The following PDE9A variants were observed in gnomAD, a reference collection of about 807,000 sequenced individuals.
PDE9A encodes phosphodiesterase 9A.
In PDE9A, 60 loss-of-function variants were observed where a neutral mutation model predicts 87.4. That is an observed-to-expected ratio of 0.69 (90% CI 0.56 to 0.85). The LOEUF (loss-of-function observed/expected upper bound fraction) is 0.85. Ranked by LOEUF, PDE9A falls within the 40% of genes least tolerant of loss-of-function variation. PDE9A has a pLI of 0.00. For synonymous variants in PDE9A, 272 were observed against 279.4 expected, an observed-to-expected ratio of 0.97 and a Z score of 0.27; for missense variants, 665 against 779.0, an observed-to-expected ratio of 0.85 and a Z score of 1.74.
At chr21:42,769,691 CAT>C (rs879065049) in intron 17 of PDE9A, among the ~76,000 whole-genome samples, 3 of 137,048 alleles carry the variant, frequency 2.2e-5, no homozygotes, top group African/African-American at 5.9e-5. Context: ...CAGGCACACA[CAT>C]ACACACATGC....
In PDE9A at chr21:42,684,666, T is replaced by C. The variant is rs535972417; in HGVS notation, c.70-1526T>C. ...AAAGGAGGATGTGGGGGAAATGGGG[T>C]GAGGCCAAAGTGGGGGCTGCTGAAG... On this transcript the variant is annotated intron_variant, in intron 1 of 19. Coordinates refer to ENST00000291539, the MANE Select transcript of PDE9A (RefSeq NM_002606.3). Among the ~76,000 whole-genome samples the C allele has an allele frequency of 3.9e-5, 6 of 152,020 alleles. No individual in the cohort carries two copies. The South Asian group carries it at 1.2e-3, about 32-fold the overall frequency.
At position 42,739,175 on chromosome 21, in the gene PDE9A, C is replaced by T. The variant is rs2052817180; in HGVS notation, c.569-4601C>T. ...TTGGTTTGTGGTGCGTGGTCTGTGC[C>T]CGCCTGTGTTCAGCGTTTGAAGGCA... is the stretch of plus-strand genomic sequence containing the variant. On this transcript the variant is annotated intron_variant, in intron 7 of 19. Transcript: ENST00000291539. This position sits in a 1 kb window ranked among gnomAD's most constrained non-coding sequence, Gnocchi z 4.1. Among the ~76,000 whole-genome samples the T allele has an allele frequency of 6.6e-6, 1 of 152,210 alleles. No individual in the cohort carries two copies. Among genetic ancestry groups the T allele is most frequent in the South Asian group, 2.1e-4 (1 of 4,832 alleles).
rs371843471 is a variant in PDE9A, at chr21:42,696,638, C to T, written c.219-2330C>T. On this transcript the variant is annotated intron_variant, in intron 3 of 19. Coordinates refer to ENST00000291539, the MANE Select transcript of PDE9A (RefSeq NM_002606.3). The surrounding 1 kb of genome is among the most constrained non-coding windows in gnomAD (Gnocchi z 5.1). ...AAGAGGAGCCCAGCACACCCGGCTT[C>T]TCTGCTGCCCACCCTCCACTCTGTC... is the stretch of plus-strand genomic sequence containing the variant. Among the ~76,000 whole-genome samples, 1 of 152,200 alleles carries T rather than the reference C, an allele frequency of 6.6e-6. No individual in the cohort carries two copies. The highest frequency in any genetic ancestry group is 1.5e-5 in the Non-Finnish European group (1 of 68,028).
Position 42,775,385 on chromosome 21 carries a change from C to T in PDE9A, c.*92C>T. On this transcript the variant is annotated 3_prime_UTR_variant, in exon 20 of 20. Transcript: ENST00000291539. ...GAAGAGCTGCCCTGGGCACCTGGCA[C>T]CACAAGACCATGTTTTCTAAGAACC... is the stretch of plus-strand genomic sequence containing the variant. The T allele has an allele frequency of 9.8e-7, 1 of 1,017,924 alleles. No individual in the cohort carries two copies. Among genetic ancestry groups the T allele is most frequent in the Non-Finnish European group, 1.4e-6 (1 of 697,632 alleles). 63.1% of individuals were successfully genotyped at this position (1,017,924 alleles called of 1,614,324 possible). A position where few individuals can be genotyped will look rare whatever the true frequency, so the allele number is the denominator to read the frequency against.
chr21:42,734,928 C>T (rs1160516582), intron 7 of PDE9A, among the ~76,000 whole-genome samples: 1 of 152,226 alleles, frequency 6.6e-6, no homozygotes, highest in East Asian at 1.9e-4. Context: ...TGGAACGAGT[C>T]ACTTCCCTGC....
chr21:42,724,739 G>A (rs959845751), intron 4 of PDE9A: 1 of 294,674 alleles, frequency 3.4e-6, no homozygotes, highest in Non-Finnish European at 5.0e-6. Flanking sequence ...CCTGGGTGGC[G>A]CATTGGCCGA....
chr21:42,733,680 C>T (rs926725342), intron 7 of PDE9A: 4 of 514,994 alleles, frequency 7.8e-6, no homozygotes, highest in Non-Finnish European at 1.4e-5. Context: ...TAAAAATGAA[C>T]ACACGAAGCC....
At chr21:42,773,617 C>T (rs888698070) in intron 19 of PDE9A, among the ~76,000 whole-genome samples, 4 of 151,874 alleles carry the variant, frequency 2.6e-5, no homozygotes, top group Non-Finnish European at 2.9e-5. Flanking sequence ...CTGGCTAACA[C>T]GGTGAAACCC....
intron 4 of PDE9A, among the ~76,000 whole-genome samples, chr21:42,703,454 G>A (rs1176646273): frequency 6.6e-6 from 1 of 152,256 alleles, no homozygotes; most frequent in African/African-American, 2.4e-5. Context: ...CTGGAGGCAG[G>A]AAGAGGCAAA....
intron 4 of PDE9A, among the ~76,000 whole-genome samples, chr21:42,706,696 G>A (rs1011667942): frequency 5.9e-5 from 9 of 151,434 alleles, no homozygotes; most frequent in African/African-American, 2.2e-4. Context: ...TCATTTTGTT[G>A]TGCAACCATC....
intron 3 of PDE9A, among the ~76,000 whole-genome samples, chr21:42,693,525 C>T (rs568980086): frequency 2.6e-5 from 4 of 151,412 alleles, no homozygotes; most frequent in Non-Finnish European, 5.9e-5. Context: ...CTCCTGACCT[C>T]GTGATCCACC....
intron 8 of PDE9A, 112 bp from the exon 9 acceptor site, chr21:42,751,004 A>G (rs868082787): frequency 5.2e-6 from 4 of 764,068 alleles, no homozygotes; most frequent in Middle Eastern, 4.7e-4. Context: ...CCCACAGCAA[A>G]TAAGACCACA....
chr21:42,679,670 C>T (rs1602003934), intron 1 of PDE9A, among the ~76,000 whole-genome samples: 2 of 151,836 alleles, frequency 1.3e-5, no homozygotes, highest in African/African-American at 2.4e-5. Context: ...AGCCTTTCCA[C>T]GGAGGGCCCA....
At chr21:42,742,301 C>T (rs565139271) in intron 7 of PDE9A, among the ~76,000 whole-genome samples, 3 of 152,006 alleles carry the variant, frequency 2.0e-5, no homozygotes, top group Non-Finnish European at 2.9e-5. Flanking sequence ...GCCGGCTGTG[C>T]GGGAGACCAG....
At chr21:42,661,634 A>T (rs1173998630) in intron 1 of PDE9A, among the ~76,000 whole-genome samples, 1 of 152,058 alleles carries the variant, frequency 6.6e-6, no homozygotes, top group Non-Finnish European at 1.5e-5. Context: ...TCCATTCAAA[A>T]CGGATGAATC....
chr21:42,764,980 T>C (rs1444413304), intron 14 of PDE9A, among the ~76,000 whole-genome samples: 1 of 131,924 alleles, frequency 7.6e-6, no homozygotes, highest in Non-Finnish European at 1.6e-5. Context: ...GTGGGGTGGG[T>C]GGGTGGATGG....
chr21:42,698,922 GA>G (rs759562290), intron 3 of PDE9A, 45 bp from the exon 4 acceptor site: 23 of 1,425,138 alleles, frequency 1.6e-5, no homozygotes, highest in Non-Finnish European at 2.0e-6. Flanking sequence ...GGCATACAGC[GA>G]GCGCCTTGCA....
intron 4 of PDE9A, among the ~76,000 whole-genome samples, chr21:42,726,121 A>G (rs1225934581): frequency 1.3e-5 from 2 of 152,038 alleles, no homozygotes; most frequent in Non-Finnish European, 2.9e-5. Context: ...TTTCTCCAGT[A>G]CCCATCTGCT....
intron 4 of PDE9A, among the ~76,000 whole-genome samples, chr21:42,725,910 A>T (rs554903470): frequency 5.3e-5 from 8 of 152,252 alleles, no homozygotes; most frequent in Admixed American, 3.3e-4. Flanking sequence ...AACCTACCAG[A>T]CTGTTTTCAG....
Sources: gnomAD v4.1 joint callset for allele counts (sites outside exome capture counted in the v4.1 genomes callset) on GRCh38, gnomAD v4.1.1 for gene constraint, Gnocchi (gnomAD v3.1) non-coding constraint, MANE v1.5 for transcripts, NCBI Gene and HGNC (gene_info 2026-07-23, HGNC 2026-07-21) for gene names.